ASGR1: variants seen among roughly 807,000 people sequenced by gnomAD.
ASGR1 encodes asialoglycoprotein receptor 1.
In ASGR1, 35 loss-of-function variants were observed where a neutral mutation model predicts 33.1. The ratio of observed to expected loss-of-function variants is 1.06; its 90% CI spans 0.81 to 1.40. The LOEUF (loss-of-function observed/expected upper bound fraction) is 1.40. ASGR1 is among the 40% of genes most tolerant of loss of function. ASGR1 has a pLI of 0.00. For synonymous variants in ASGR1, 142 were observed against 152.5 expected (o/e 0.93, Z 0.51); for missense variants, 396 against 373.7 (o/e 1.06, Z -0.49).
intron 2 of ASGR1, chr17:7,178,259 T>C: frequency 3.6e-6 from 2 of 548,634 alleles, no homozygotes; most frequent in Non-Finnish European, 6.6e-6. Flanking sequence ...CGGGTCCACC[T>C]CCGAGGGCCA....
chr17:7,176,546 T>A, intron 5 of ASGR1: 8 of 378,626 alleles, frequency 2.1e-5, no homozygotes, highest in East Asian at 1.2e-4. Flanking sequence ...CACCATCTCA[T>A]TCTCACACAC....
intron 5 of ASGR1, 115 bp from the exon 6 acceptor site, chr17:7,174,575 C>T: frequency 1.9e-6 from 2 of 1,050,244 alleles, no homozygotes; most frequent in Non-Finnish European, 2.8e-6. Flanking sequence ...CGTCGCATTG[C>T]CACAAACAGC....
At position 7,174,430 on chromosome 17, in the gene ASGR1, T is replaced by C. The variant is rs1286384333; in HGVS notation, c.386A>G (p.Gln129Arg). The C allele has an allele frequency of 6.2e-7, 1 of 1,613,530 alleles. No individual in the cohort carries two copies. Among genetic ancestry groups the C allele is most frequent in the East Asian group, 2.2e-5 (1 of 44,888 alleles). The change falls in exon 6 of 9, where the codon CAG becomes CGG. Residue 129 changes from glutamine to arginine, a missense_variant. Transcript: ENST00000269299. ...DHSSLLLHVK[Q>R]FVSDLRSLSC... is the part of the protein sequence containing the mutation. The stretch of plus-strand genomic sequence containing the variant: ...CAGGCTCCGCAGGTCAGACACGAAC[T>C]GCTTCACGTGGAGCAGCAGGCTGGA...
chr17:7,175,302 C>T (rs890600466), intron 5 of ASGR1, among the ~76,000 whole-genome samples: 1 of 139,782 alleles, frequency 7.2e-6, no homozygotes, highest in Non-Finnish European at 1.5e-5. Context: ...TCACTACACA[C>T]ACAACACACC....
At position 7,174,047 on chromosome 17, in the gene ASGR1, T is replaced by C; in HGVS notation, c.615A>G (p.Ile205Met). 3 of 1,614,168 alleles carry C rather than the reference T, an allele frequency of 1.9e-6. No individual in the cohort carries two copies. Among genetic ancestry groups the C allele is most frequent in the Non-Finnish European group, 2.5e-6 (3 of 1,179,998 alleles). Residue 205 changes from isoleucine (I) to methionine (M), a missense_variant, in exon 8 of 9, where the codon ATA becomes ATG. By Grantham distance (10) the Ile-to-Met change is conservative (BLOSUM62 1). Coordinates refer to ENST00000269299, the MANE Select transcript of ASGR1 (RefSeq NM_001671.5). ...WEEQKFVQHH[I>M]GPVNTWMGLH... ...GGCCCATCCAGGTGTTCACAGGGCC[T>C]ATGTGGTGCTGGACAAATTTCTGAG... is the stretch of plus-strand genomic sequence containing the variant.
rs756862247 is a variant in ASGR1 at position 7,177,219 on chromosome 17, C to T, written c.178G>A (p.Gly60Arg). Reference protein sequence around the residue: ...LLLLVVVCVIGSQNSQLQEEL... With the variant: ...LLLLVVVCVIRSQNSQLQEEL... ...CCCCTGGGGCACCCACTTTGGGATC[C>T]GATCACACAGACAACCACAAGCAGC... is the stretch of plus-strand genomic sequence containing the variant. Residue 60 changes from glycine to arginine, a missense_variant, in exon 3 of 9, where the codon GGA becomes AGA. Coordinates refer to ENST00000269299, the MANE Select transcript of ASGR1 (RefSeq NM_001671.5). The T allele has an allele frequency of 5.0e-6, 8 of 1,613,540 alleles. No individual in the cohort carries two copies. The South Asian group carries it at 5.5e-5, about 11-fold the overall frequency.
rs71361405 is a variant in ASGR1 at position 7,176,792 on chromosome 17, T to TCACACACACACACA, written c.355+24_355+37dup. On this transcript the variant is annotated intron_variant, in intron 5 of 8. Transcript: ENST00000269299. ...CACATCCACACATTCTCACTCTCTT[T>TCACACACACACACA]CACACACACACACACACACACACAC... 5.9e-5 allele frequency: 87 copies of TCACACACACACACA among 1,475,122 alleles called. No homozygotes were observed. In the African/African-American group the frequency reaches 9.5e-4, roughly 16 times the overall value. 91.4% of individuals were successfully genotyped at this position (1,475,122 alleles called of 1,614,324 possible).
Position 7,176,281 on chromosome 17 carries a change from CAT to C in ASGR1, c.355+547_355+548del, listed in dbSNP as rs1491246063. On this transcript the variant is annotated intron_variant, in intron 5 of 8. Coordinates refer to ENST00000269299, the MANE Select transcript of ASGR1 (RefSeq NM_001671.5). ...CATTCTCACACTCACTCACACACCCCATCTCATTCTCACACTCACAGACTCAC... is the reference window on the plus strand; with the variant it reads ...CATTCTCACACTCACTCACACACCCCCTCATTCTCACACTCACAGACTCAC... Among the ~76,000 whole-genome samples, 136 of 144,276 alleles carry C rather than the reference CAT, an allele frequency of 9.4e-4. 2 individuals carry two copies. In the East Asian group the frequency reaches 0.018, roughly 20 times the overall value. The allele number at this position is 144,276 out of a possible 152,430, so 94.7% of individuals were successfully genotyped here.
chr17:7,176,529 A>C (rs948008475), intron 5 of ASGR1: 26 of 494,514 alleles, frequency 5.3e-5, no homozygotes, highest in South Asian at 5.2e-4. Context: ...TCTCATTCCC[A>C]CACACACACC....
At position 7,173,476 on chromosome 17, in the gene ASGR1, G is replaced by T; in HGVS notation, c.*183C>A. ...CTCTTAAAAAAAAAAAGTTCACAAT[G>T]ATAACCTGCAAACTGCAGAAAGCGC... On this transcript the variant is annotated 3_prime_UTR_variant, in exon 9 of 9. Coordinates refer to ENST00000269299, the MANE Select transcript of ASGR1 (RefSeq NM_001671.5). The surrounding 1 kb of genome is among the most constrained non-coding windows in gnomAD (Gnocchi z 4.7). 1.3e-6 allele frequency: 1 copy of T among 762,002 alleles called. No homozygotes were observed. Among genetic ancestry groups the T allele is most frequent in the Non-Finnish European group, 2.0e-6 (1 of 488,318 alleles). 47.2% of individuals were successfully genotyped at this position (762,002 alleles called of 1,614,324 possible). A position where few individuals can be genotyped will look rare whatever the true frequency, so the allele number is the denominator to read the frequency against.
At chr17:7,175,142 AACACACACAAAAC>A (rs2069181358) in intron 5 of ASGR1, among the ~76,000 whole-genome samples, 2 of 150,024 alleles carry the variant, frequency 1.3e-5, no homozygotes, top group South Asian at 4.2e-4. Context: ...ACATACACAC[AACACACACAAAAC>A]ACACACACAA....
intron 5 of ASGR1, among the ~76,000 whole-genome samples, chr17:7,175,432 C>A (rs191236427): frequency 0.022 from 3,283 of 150,130 alleles, 118 homozygotes; most frequent in African/African-American, 0.074. Context: ...CACCCACATA[C>A]ACACATTCAC....
chr17:7,174,858 A>C (rs2069176807), intron 5 of ASGR1, among the ~76,000 whole-genome samples: 1 of 150,954 alleles, frequency 6.6e-6, no homozygotes, highest in Non-Finnish European at 1.5e-5. Flanking sequence ...CATCCACAAC[A>C]CACACAACAC....
Position 7,173,621 on chromosome 17 carries a change from C to G in ASGR1, c.*38G>C. 1 of 1,610,782 alleles carries G rather than the reference C, an allele frequency of 6.2e-7. No homozygotes were observed. Among genetic ancestry groups the G allele is most frequent in the South Asian group, 1.1e-5 (1 of 90,970 alleles). Reference sequence around the variant, plus strand: ...CCCCAGATGGGCGGATTCCCAATCCCGGACCCCTGCGGCAGGTCGAGGCAT... The same window carrying G: ...CCCCAGATGGGCGGATTCCCAATCCGGGACCCCTGCGGCAGGTCGAGGCAT... On this transcript the variant is annotated 3_prime_UTR_variant, in exon 9 of 9. Coordinates refer to ENST00000269299, the MANE Select transcript of ASGR1 (RefSeq NM_001671.5). This position sits in a 1 kb window ranked among gnomAD's most constrained non-coding sequence, Gnocchi z 4.7.
chr17:7,178,320 C>T (rs1185610455), intron 2 of ASGR1, 174 bp downstream of exon 2: 1 of 694,566 alleles, frequency 1.4e-6, no homozygotes, highest in African/African-American at 1.8e-5. Context: ...GGACTCCAAC[C>T]CCACACTCCG....
chr17:7,178,435 TG>T (rs1198541026), intron 2 of ASGR1, 58 bp downstream of exon 2: 9 of 1,525,868 alleles, frequency 5.9e-6, no homozygotes, highest in East Asian at 2.3e-5. Context: ...GAGCTGTGGC[TG>T]GGGGGTGGAG....
chr17:7,176,053 G>C (rs111072792), intron 5 of ASGR1, among the ~76,000 whole-genome samples: 2,485 of 95,722 alleles, frequency 0.026, 92 homozygotes, highest in African/African-American at 0.099. Flanking sequence ...CATTCACACA[G>C]ACTCACACAC....
Position 7,173,575 on chromosome 17 carries a change from T to C in ASGR1, c.*84A>G. ...TTCCCTTAAAATCCTAGATGAAAATTCCCGAGAAAGCAGAAGAGGCCCCCA... is the reference window on the plus strand; with the variant it reads ...TTCCCTTAAAATCCTAGATGAAAATCCCCGAGAAAGCAGAAGAGGCCCCCA... On this transcript the variant is annotated 3_prime_UTR_variant, in exon 9 of 9. Transcript: ENST00000269299. The surrounding 1 kb of genome is among the most constrained non-coding windows in gnomAD (Gnocchi z 4.7). 1 of 1,560,466 alleles carries C rather than the reference T, an allele frequency of 6.4e-7. No individual in the cohort carries two copies. The highest frequency in any genetic ancestry group is 2.3e-5 in the East Asian group (1 of 43,652).
chr17:7,175,955 AACACACAT>A (rs2069196908), intron 5 of ASGR1, among the ~76,000 whole-genome samples: 1 of 141,916 alleles, frequency 7.0e-6, no homozygotes, highest in East Asian at 2.2e-4. Context: ...AACACACACT[AACACACAT>A]ACACACGTTC....
Sources: allele counts gnomAD v4.1 joint callset (sites outside exome capture counted in the v4.1 genomes callset), GRCh38; gene constraint gnomAD v4.1.1; non-coding constraint Gnocchi (gnomAD v3.1); transcripts MANE v1.5; gene names NCBI Gene and HGNC (gene_info 2026-07-23, HGNC 2026-07-21).